The following CDH18 variants were observed in gnomAD, a reference collection of about 807,000 sequenced individuals.
CDH18 encodes the protein cadherin-18.
A neutral mutation model predicts 67.9 loss-of-function variants in CDH18; 31 were observed. The ratio of observed to expected loss-of-function variants is 0.46; its 90% CI spans 0.34 to 0.62. CDH18 has a LOEUF of 0.62. Among genes scored for constraint, CDH18 ranks in the 20% least tolerant of loss-of-function variants. The pLI, the probability that CDH18 is intolerant of heterozygous loss-of-function variation, is 0.01. For synonymous variants in CDH18, 362 were observed against 347.2 expected (o/e 1.04, Z -0.48); for missense variants, 890 against 975.5 (o/e 0.91, Z 1.17).
intron 2 of CDH18, among the ~76,000 whole-genome samples, chr5:20,128,852 G>A (rs571525939): frequency 2.0e-4 from 31 of 151,994 alleles, no homozygotes; most frequent in Non-Finnish European, 2.1e-4. Context: ...TTTTCCCCTA[G>A]ACTCTCAGTG....
chr5:20,532,211 G>A (rs1022492042), intron 1 of CDH18, among the ~76,000 whole-genome samples: 6 of 151,990 alleles, frequency 3.9e-5, no homozygotes, highest in East Asian at 1.9e-4. Flanking sequence ...GCTGTGATTC[G>A]GTACAATATC....
At chr5:20,550,726 T>A (rs1757586182) in intron 1 of CDH18, among the ~76,000 whole-genome samples, 1 of 152,218 alleles carries the variant, frequency 6.6e-6, no homozygotes, top group Admixed American at 6.5e-5. Context: ...TGCATGCTGT[T>A]TTAGTCCATT....
Position 20,099,273 on chromosome 5 carries a change from A to T in CDH18, c.-517-107259T>A, listed in dbSNP as rs1020074523. On this transcript the variant is annotated intron_variant, in intron 2 of 14. Transcript: ENST00000507958. ...AATCATGGGTTGGGTGATTGTAGGGATTAACAATCCTGGCTTCTAAGAACA... is the reference window on the plus strand; with the variant it reads ...AATCATGGGTTGGGTGATTGTAGGGTTTAACAATCCTGGCTTCTAAGAACA... Among the ~76,000 whole-genome samples, 9 of 152,244 alleles carry T rather than the reference A, an allele frequency of 5.9e-5. No individual in the cohort carries two copies. The East Asian group carries it at 1.7e-3, about 30-fold the overall frequency.
At chr5:20,226,351 C>T (rs1741629253) in intron 2 of CDH18, among the ~76,000 whole-genome samples, 1 of 152,006 alleles carries the variant, frequency 6.6e-6, no homozygotes. Context: ...AGAGTTTCAA[C>T]AGCAAAGTGA....
At chr5:19,712,053 A>T (rs1764770565) in intron 5 of CDH18, among the ~76,000 whole-genome samples, 2 of 152,088 alleles carry the variant, frequency 1.3e-5, no homozygotes, top group South Asian at 4.1e-4. Flanking sequence ...AAAATAATGC[A>T]AAGATAAAGT....
intron 5 of CDH18, among the ~76,000 whole-genome samples, chr5:19,710,603 A>G (rs966632823): frequency 6.6e-6 from 1 of 152,116 alleles, no homozygotes; most frequent in African/African-American, 2.4e-5. Flanking sequence ...AAAATCCTAA[A>G]CTAGAATATT....
intron 12 of CDH18, among the ~76,000 whole-genome samples, chr5:19,477,301 T>A (rs943014262): frequency 6.6e-6 from 1 of 151,668 alleles, no homozygotes; most frequent in African/African-American, 2.4e-5. Flanking sequence ...GTACATTGTG[T>A]TCCTGATGAA....
At chr5:19,563,702 AC>A (rs1244778474) in intron 8 of CDH18, among the ~76,000 whole-genome samples, 2 of 152,304 alleles carry the variant, frequency 1.3e-5, no homozygotes, top group East Asian at 3.9e-4. Flanking sequence ...AAGATTGTCA[AC>A]CCTGCAGGAA....
In CDH18 at chr5:20,555,408, C is replaced by CTTTTTTTTTTTT. The variant is rs774396694; in HGVS notation, c.-580+20042_-580+20053dup. On this transcript the variant is annotated intron_variant, in intron 1 of 14. Transcript: ENST00000507958. ...GCCAGAACCACCAAGACAAGCTTTTCTTTTTTTTTTTTTTTTTTTTTTTTT... is the reference window on the plus strand; with the variant it reads ...GCCAGAACCACCAAGACAAGCTTTTCTTTTTTTTTTTTTTTTTTTTTTTTTTTTTTTTTTTTT... Among the ~76,000 whole-genome samples, 84 of 103,646 alleles carry CTTTTTTTTTTTT rather than the reference C, an allele frequency of 8.1e-4. 2 individuals carry two copies. The highest frequency in any genetic ancestry group is 1.8e-3 in the African/African-American group (44 of 24,364). The allele number at this position is 103,646 out of a possible 152,430, so 68.0% of individuals were successfully genotyped here.
At chr5:20,559,745 G>A (rs1219571366) in intron 1 of CDH18, among the ~76,000 whole-genome samples, 1 of 152,012 alleles carries the variant, frequency 6.6e-6, no homozygotes, top group African/African-American at 2.4e-5. Flanking sequence ...AGAAATCACT[G>A]TCTAAGCGCC....
At chr5:19,898,600 C>T (rs1214019405) in intron 2 of CDH18, among the ~76,000 whole-genome samples, 1 of 151,382 alleles carries the variant, frequency 6.6e-6, no homozygotes, top group African/African-American at 2.4e-5. Flanking sequence ...AAAAATCATT[C>T]AGTATATGAA....
intron 1 of CDH18, among the ~76,000 whole-genome samples, chr5:20,265,746 C>T (rs1004388765): frequency 6.6e-6 from 1 of 152,156 alleles, no homozygotes; most frequent in Non-Finnish European, 1.5e-5. Flanking sequence ...TTGAACACCA[C>T]TGTTATTGGT....
At chr5:20,211,489 C>A (rs926660793) in intron 2 of CDH18, among the ~76,000 whole-genome samples, 2 of 152,152 alleles carry the variant, frequency 1.3e-5, no homozygotes, top group Non-Finnish European at 1.5e-5. Flanking sequence ...GGAGACACCT[C>A]CAACTAGAGG....
At chr5:20,515,794 G>T (rs1342811762) in intron 1 of CDH18, among the ~76,000 whole-genome samples, 1 of 151,992 alleles carries the variant, frequency 6.6e-6, no homozygotes, top group South Asian at 2.1e-4. Flanking sequence ...AGAAACCGAT[G>T]CCAGTTTTAT....
chr5:19,994,855 T>TAGAGAGAGAGAG lies in CDH18; in HGVS notation c.-517-2853_-517-2842dup, dbSNP rs1554078420. On this transcript the variant is annotated intron_variant, in intron 2 of 14. Transcript: ENST00000507958. ...ATATATATATATATATATATATATA[T>TAGAGAGAGAGAG]AGAGAGAGAGAGAGAGAGAGAGATG... Among the ~76,000 whole-genome samples the TAGAGAGAGAGAG allele has an allele frequency of 6.0e-3, 406 of 67,578 alleles. 60 individuals are homozygous for TAGAGAGAGAGAG. Among genetic ancestry groups the TAGAGAGAGAGAG allele is most frequent in the East Asian group, 0.031 (57 of 1,868 alleles). 44.3% of individuals were successfully genotyped at this position (67,578 alleles called of 152,430 possible). A position where few individuals can be genotyped will look rare whatever the true frequency, so the allele number is the denominator to read the frequency against.
intron 5 of CDH18, among the ~76,000 whole-genome samples, chr5:19,632,538 G>A (rs1479606515): frequency 6.6e-6 from 1 of 151,988 alleles, no homozygotes; most frequent in Non-Finnish European, 1.5e-5. Context: ...CCAAACACAG[G>A]GCTATCTCTT....
chr5:19,769,046 A>C (rs1399270994), intron 3 of CDH18, among the ~76,000 whole-genome samples: 1 of 151,898 alleles, frequency 6.6e-6, no homozygotes, highest in Non-Finnish European at 1.5e-5. Context: ...AAAGAATGAC[A>C]AAAAAATAAA....
At chr5:19,859,962 G>C (rs1332547152) in intron 2 of CDH18, among the ~76,000 whole-genome samples, 1 of 143,468 alleles carries the variant, frequency 7.0e-6, no homozygotes, top group Admixed American at 7.0e-5. Context: ...GTTTCTTTCT[G>C]TCTTATTAAT....
chr5:19,517,492 G>A (rs1356079209), intron 10 of CDH18, among the ~76,000 whole-genome samples: 1 of 151,946 alleles, frequency 6.6e-6, no homozygotes, highest in African/African-American at 2.4e-5. Context: ...TCCTTTTATG[G>A]ATCATGCTTT....
Sources: gnomAD v4.1 joint callset for allele counts (sites outside exome capture counted in the v4.1 genomes callset) on GRCh38, gnomAD v4.1.1 for gene constraint, MANE v1.5 for transcripts, NCBI Gene and HGNC (gene_info 2026-07-23, HGNC 2026-07-21) for gene names.